Variants in ITFG1 observed in about 807,000 individuals in gnomAD.
ITFG1 encodes the protein integrin alpha FG-GAP repeat containing 1.
A neutral mutation model predicts 81.8 loss-of-function variants in ITFG1; 34 were observed. That is an observed-to-expected ratio of 0.42 (90% CI 0.32 to 0.55). The LOEUF (loss-of-function observed/expected upper bound fraction) is 0.55. ITFG1 is among the 20% of genes least tolerant of loss of function. The probability of loss-of-function intolerance (pLI) is 0.17; values close to 1 mark genes in which losing one functional copy is unlikely to be tolerated. For missense variants in ITFG1, 672 were observed against 755.4 expected (o/e 0.89, Z 1.29); for synonymous variants, 285 against 270.6 (o/e 1.05, Z -0.52).
intron 10 of ITFG1, among the ~76,000 whole-genome samples, chr16:47,272,294 G>A (rs567802312): frequency 6.6e-6 from 1 of 152,318 alleles, no homozygotes; most frequent in East Asian, 1.9e-4. Flanking sequence ...GGCAGTGGAC[G>A]AAGTCGTAGG....
intron 13 of ITFG1, among the ~76,000 whole-genome samples, chr16:47,233,420 G>A (rs1464253945): frequency 6.6e-6 from 1 of 152,070 alleles, no homozygotes; most frequent in Non-Finnish European, 1.5e-5. Context: ...AAACTCCAAG[G>A]GTTCAGGGCA....
intron 8 of ITFG1, among the ~76,000 whole-genome samples, chr16:47,319,876 A>T (rs1967421923): frequency 6.6e-6 from 1 of 152,216 alleles, no homozygotes; most frequent in South Asian, 2.1e-4. Context: ...ACCTTGTGTA[A>T]TCCTTGAAAG....
At chr16:47,168,550 T>G (rs933073701) in intron 14 of ITFG1, among the ~76,000 whole-genome samples, 1 of 147,588 alleles carries the variant, frequency 6.8e-6, no homozygotes, top group Non-Finnish European at 1.5e-5. Flanking sequence ...TAAAAGTTTT[T>G]TTTTTTTTTT....
At chr16:47,379,713 G>A (rs2151591862) in intron 6 of ITFG1, among the ~76,000 whole-genome samples, 1 of 151,184 alleles carries the variant, frequency 6.6e-6, no homozygotes, top group South Asian at 2.1e-4. Context: ...AAGAGATTCT[G>A]TAGTTGGATC....
chr16:47,176,373 T>G (rs933002770), intron 14 of ITFG1, among the ~76,000 whole-genome samples: 8 of 152,188 alleles, frequency 5.3e-5, no homozygotes, highest in African/African-American at 1.9e-4. Flanking sequence ...AATTTTTTTT[T>G]TGTGAGGAAG....
chr16:47,399,403 C>A (rs1189478226), intron 6 of ITFG1, among the ~76,000 whole-genome samples: 1 of 152,128 alleles, frequency 6.6e-6, no homozygotes, highest in Non-Finnish European at 1.5e-5. Context: ...GAAACCCCAT[C>A]TCTACTAAAA....
chr16:47,341,203 C>A (rs1321283697), intron 8 of ITFG1, among the ~76,000 whole-genome samples: 1 of 151,228 alleles, frequency 6.6e-6, no homozygotes, highest in Non-Finnish European at 1.5e-5. Flanking sequence ...TTGCTTGGGG[C>A]CAGGAGTTTG....
chr16:47,416,635 C>G (rs1175205442), intron 6 of ITFG1, among the ~76,000 whole-genome samples: 3 of 152,082 alleles, frequency 2.0e-5, no homozygotes, highest in African/African-American at 7.2e-5. Context: ...CATTCAAGAG[C>G]TGATTGTTTA....
At chr16:47,234,711 T>C (rs1965854402) in intron 13 of ITFG1, among the ~76,000 whole-genome samples, 2 of 152,150 alleles carry the variant, frequency 1.3e-5, no homozygotes, top group Non-Finnish European at 2.9e-5. Context: ...AAAACTGTGA[T>C]ATAATTTAAA....
At chr16:47,204,702 C>A (rs940662344) in intron 14 of ITFG1, among the ~76,000 whole-genome samples, 3 of 152,200 alleles carry the variant, frequency 2.0e-5, no homozygotes, top group Non-Finnish European at 4.4e-5. Flanking sequence ...CCCCTACCAT[C>A]CTGTATTATT....
chr16:47,239,162 C>T (rs528545077), intron 12 of ITFG1, among the ~76,000 whole-genome samples: 13 of 151,874 alleles, frequency 8.6e-5, no homozygotes, highest in Admixed American at 2.6e-4. Flanking sequence ...TCAAGAACTG[C>T]GAGCAATAAA....
rs544043962 is a variant in ITFG1, at chr16:47,314,524, A to G, written c.803-701T>C. Among the ~76,000 whole-genome samples the G allele has an allele frequency of 1.4e-4, 22 of 152,286 alleles. No individual in the cohort carries two copies. The South Asian group carries it at 4.4e-3, about 30-fold the overall frequency. On this transcript the variant is annotated intron_variant, in intron 8 of 17. Transcript: ENST00000320640. The stretch of plus-strand genomic sequence containing the variant: ...GGAATATAGATATCCTTTCCAAGTG[A>G]CTGTTTTTTACAAAGCACAGTATTC...
intron 14 of ITFG1, among the ~76,000 whole-genome samples, chr16:47,186,563 C>A (rs1220840503): frequency 2.0e-5 from 3 of 152,154 alleles, no homozygotes; most frequent in African/African-American, 4.8e-5. Context: ...TTCAACAGCC[C>A]TTCATGCTAA....
At chr16:47,264,553 C>CAT (rs1346523956) in intron 10 of ITFG1, among the ~76,000 whole-genome samples, 2 of 139,402 alleles carry the variant, frequency 1.4e-5, no homozygotes, top group Non-Finnish European at 3.2e-5. Context: ...ATTACACACA[C>CAT]ACACACACAC....
At chr16:47,163,976 A>G (rs1964851720) in intron 14 of ITFG1, among the ~76,000 whole-genome samples, 1 of 151,464 alleles carries the variant, frequency 6.6e-6, no homozygotes, top group East Asian at 1.9e-4. Flanking sequence ...CACACCAATT[A>G]AGTAAAGCAT....
At chr16:47,424,588 G>A (rs987707351) in intron 6 of ITFG1, among the ~76,000 whole-genome samples, 3 of 152,190 alleles carry the variant, frequency 2.0e-5, no homozygotes, top group Non-Finnish European at 4.4e-5. Flanking sequence ...TTTGGTCTTT[G>A]ATGTTGGTGA....
rs566740060 is a variant in ITFG1, at chr16:47,395,712, C to A, written c.656-19772G>T. Among the ~76,000 whole-genome samples, 97 of 152,210 alleles carry A rather than the reference C, an allele frequency of 6.4e-4. 1 individual carries two copies. Among genetic ancestry groups the A allele is most frequent in the African/African-American group, 2.1e-3 (87 of 41,544 alleles). ...TGTGCCCTCACTTTATAGTAAGAGC[C>A]GAGTATTTACCGGCACCATATACTG... On this transcript the variant is annotated intron_variant, in intron 6 of 17. Coordinates refer to ENST00000320640, the MANE Select transcript of ITFG1 (RefSeq NM_030790.5).
intron 8 of ITFG1, among the ~76,000 whole-genome samples, chr16:47,329,121 G>A: frequency 6.6e-6 from 1 of 152,112 alleles, no homozygotes; most frequent in Non-Finnish European, 1.5e-5. Context: ...TAATATCATT[G>A]TAAAATGAAA....
At chr16:47,444,150 A>T (rs1231422661) in intron 5 of ITFG1, among the ~76,000 whole-genome samples, 5 of 152,202 alleles carry the variant, frequency 3.3e-5, no homozygotes, top group Non-Finnish European at 1.5e-5. Context: ...CTGAGAAATG[A>T]CTCAATGTAT....
Sources: allele counts gnomAD v4.1 joint callset (sites outside exome capture counted in the v4.1 genomes callset), GRCh38; gene constraint gnomAD v4.1.1; transcripts MANE v1.5; gene names NCBI Gene and HGNC (gene_info 2026-07-23, HGNC 2026-07-21).